NEK11: variants seen among roughly 807,000 people sequenced by gnomAD.
NEK11 encodes serine/threonine-protein kinase Nek11.
NEK11 carries 72 observed loss-of-function variants against 80.7 expected under a neutral mutation model. That is an observed-to-expected ratio of 0.89 (90% CI 0.74 to 1.08). The LOEUF (loss-of-function observed/expected upper bound fraction) is 1.08, where lower values mean the gene tolerates loss of function less well. Ranked by LOEUF, NEK11 falls within the 50% of genes least tolerant of loss-of-function variation. The probability of loss-of-function intolerance (pLI) is 0.00; values close to 1 mark genes in which losing one functional copy is unlikely to be tolerated. For synonymous variants in NEK11, 251 were observed against 260.7 expected (o/e 0.96, Z 0.36); for missense variants, 764 against 763.6 (o/e 1.00, Z -0.01).
intron 16 of NEK11, among the ~76,000 whole-genome samples, chr3:131,269,414 T>A (rs1446457247): frequency 6.6e-6 from 1 of 152,158 alleles, no homozygotes; most frequent in Non-Finnish European, 1.5e-5. Flanking sequence ...CCCGAGGGAA[T>A]CTCCTGGTCT....
intron 3 of NEK11, among the ~76,000 whole-genome samples, chr3:131,041,999 G>T (rs1276955061): frequency 6.6e-6 from 1 of 152,170 alleles, no homozygotes; most frequent in Non-Finnish European, 1.5e-5. Flanking sequence ...AGTGCAAGGG[G>T]TTGGGGAGCT....
chr3:131,109,806 C>A lies in NEK11; in HGVS notation c.340C>A (p.Arg114=). ...AAGATTATGCTCTTCATTTCAGGGC[C>A]GAGATCTGGACGATAAAATTCAGGA... ...FCIITEYCEG[R]DLDDKIQEYK... Residue 114 remains arginine (R), a synonymous_variant, in exon 5 of 18, where the codon CGA becomes AGA. Coordinates refer to ENST00000383366, the MANE Select transcript of NEK11 (RefSeq NM_024800.5). 2 of 1,585,954 alleles carry A rather than the reference C, an allele frequency of 1.3e-6. No individual in the cohort carries two copies. Among genetic ancestry groups the A allele is most frequent in the East Asian group, 2.3e-5 (1 of 43,678 alleles).
chr3:131,030,684 A>G (rs1442157539), intron 3 of NEK11, among the ~76,000 whole-genome samples: 3 of 152,226 alleles, frequency 2.0e-5, no homozygotes, highest in Non-Finnish European at 4.4e-5. Flanking sequence ...AACCAAATGG[A>G]CACTCCTATT....
chr3:131,144,026 C>T (rs1326400402), intron 7 of NEK11, among the ~76,000 whole-genome samples: 2 of 152,112 alleles, frequency 1.3e-5, no homozygotes, highest in Non-Finnish European at 2.9e-5. Flanking sequence ...ATGCATTGCT[C>T]TGGGGCAGGC....
chr3:131,210,092 A>T (rs1436728067), intron 14 of NEK11, among the ~76,000 whole-genome samples: 1 of 152,110 alleles, frequency 6.6e-6, no homozygotes, highest in Non-Finnish European at 1.5e-5. Flanking sequence ...TCAATTTTAG[A>T]TCTTTCCTGC....
At chr3:131,346,297 C>A (rs1055297014) in intron 17 of NEK11, among the ~76,000 whole-genome samples, 7 of 151,934 alleles carry the variant, frequency 4.6e-5, no homozygotes, top group African/African-American at 1.7e-4. Context: ...ATGTTGTAAA[C>A]CTCAAATATA....
At chr3:131,252,755 C>G (rs577432363) in intron 16 of NEK11, among the ~76,000 whole-genome samples, 1 of 152,254 alleles carries the variant, frequency 6.6e-6, no homozygotes, top group Non-Finnish European at 1.5e-5. Context: ...TTTCTGACAA[C>G]TTCCTACATG....
At chr3:131,269,827 A>G (rs771668921) in intron 16 of NEK11, among the ~76,000 whole-genome samples, 31 of 152,218 alleles carry the variant, frequency 2.0e-4, no homozygotes, top group Non-Finnish European at 3.7e-4. Context: ...ACAGAGCCCT[A>G]GGTTCAGGAA....
At chr3:131,196,040 ATTAT>A (rs1253607554) in intron 14 of NEK11, among the ~76,000 whole-genome samples, 1 of 151,436 alleles carries the variant, frequency 6.6e-6, no homozygotes, top group Non-Finnish European at 1.5e-5. Flanking sequence ...GTAAGTTATT[ATTAT>A]TTATGATAAA....
chr3:131,163,926 A>AT (rs1298814452), intron 11 of NEK11, among the ~76,000 whole-genome samples: 3 of 152,162 alleles, frequency 2.0e-5, no homozygotes, highest in African/African-American at 7.2e-5. Flanking sequence ...AATTTTTCTT[A>AT]TTTTTTCTTC....
intron 16 of NEK11, among the ~76,000 whole-genome samples, chr3:131,260,336 C>A (rs1049656614): frequency 4.6e-5 from 7 of 152,160 alleles, no homozygotes; most frequent in African/African-American, 1.4e-4. Flanking sequence ...GTCATAAAAC[C>A]TCTCTTGGCC....
chr3:131,130,096 C>G (rs1489823984), intron 5 of NEK11, among the ~76,000 whole-genome samples: 1 of 151,992 alleles, frequency 6.6e-6, no homozygotes, highest in Non-Finnish European at 1.5e-5. Context: ...TTTAGTTCTT[C>G]TTTGATTTTT....
At chr3:131,287,077 C>A (rs537565082) in intron 17 of NEK11, among the ~76,000 whole-genome samples, 1 of 152,148 alleles carries the variant, frequency 6.6e-6, no homozygotes, top group Non-Finnish European at 1.5e-5. Flanking sequence ...CAGTTTTTTT[C>A]TGTCCATCTG....
At chr3:131,346,638 T>C (rs1356125603) in intron 17 of NEK11, among the ~76,000 whole-genome samples, 1 of 152,102 alleles carries the variant, frequency 6.6e-6, no homozygotes, top group Non-Finnish European at 1.5e-5. Context: ...TGATGGGCCA[T>C]GAAATTAACT....
intron 16 of NEK11, among the ~76,000 whole-genome samples, chr3:131,248,711 C>T (rs1481011027): frequency 6.6e-6 from 1 of 152,144 alleles, no homozygotes; most frequent in Non-Finnish European, 1.5e-5. Context: ...CCTCTCTTCA[C>T]TGGGATCTTT....
intron 15 of NEK11, among the ~76,000 whole-genome samples, chr3:131,240,009 A>G (rs773417512): frequency 4.6e-5 from 7 of 152,184 alleles, no homozygotes; most frequent in Non-Finnish European, 1.0e-4. Context: ...TTGGTTTTCC[A>G]TCTCCAACTC....
intron 15 of NEK11, among the ~76,000 whole-genome samples, chr3:131,236,360 A>G (rs1105509): frequency 0.018 from 2,796 of 151,442 alleles, 42 homozygotes; most frequent in East Asian, 0.086. Flanking sequence ...TTGCCATTCT[A>G]TCAGCCCTGC....
At chr3:131,281,555 G>A (rs575814289) in intron 17 of NEK11, among the ~76,000 whole-genome samples, 2 of 152,156 alleles carry the variant, frequency 1.3e-5, no homozygotes, top group Non-Finnish European at 2.9e-5. Context: ...GAATAGTGCT[G>A]TAATTAATAG....
At chr3:131,165,664 A>G in intron 12 of NEK11, 145 bp downstream of exon 12, 1 of 612,986 alleles carries the variant, frequency 1.6e-6, no homozygotes, top group Non-Finnish European at 2.9e-6. Context: ...TCTAGAATGT[A>G]GGTCAACAGC....
Sources: gnomAD v4.1 joint callset for allele counts (sites outside exome capture counted in the v4.1 genomes callset) on GRCh38, gnomAD v4.1.1 for gene constraint, MANE v1.5 for transcripts, NCBI Gene and HGNC (gene_info 2026-07-23, HGNC 2026-07-21) for gene names.